GSAP: variants seen among roughly 807,000 people sequenced by gnomAD.
The protein encoded by GSAP is gamma-secretase-activating protein.
Under a neutral mutation model 131.7 loss-of-function variants are expected in GSAP, and 118 were observed. The ratio of observed to expected loss-of-function variants is 0.90; its 90% CI spans 0.77 to 1.04. GSAP has a LOEUF of 1.04. GSAP is among the 50% of genes least tolerant of loss of function. The pLI is 0.00. For synonymous variants in GSAP, 381 were observed against 363.4 expected (o/e 1.05, Z -0.55); for missense variants, 1,019 against 1,013.2 (o/e 1.01, Z -0.08).
chr7:77,414,921 G>A (rs1385701460), intron 1 of GSAP, among the ~76,000 whole-genome samples: 6 of 129,458 alleles, frequency 4.6e-5, no homozygotes, highest in African/African-American at 8.8e-5. Context: ...GCAGTGGCGA[G>A]ATCTCGGCTC....
intron 12 of GSAP, among the ~76,000 whole-genome samples, chr7:77,371,004 T>C (rs1188862914): frequency 6.6e-6 from 1 of 152,182 alleles, no homozygotes; most frequent in African/African-American, 2.4e-5. Flanking sequence ...TGTCCCCAGA[T>C]CTTATTCATA....
chr7:77,392,704 G>A (rs1454738586), intron 5 of GSAP, among the ~76,000 whole-genome samples: 1 of 152,214 alleles, frequency 6.6e-6, no homozygotes, highest in African/African-American at 2.4e-5. Flanking sequence ...ACCATGGTGT[G>A]ATCCAGGCAC....
intron 5 of GSAP, among the ~76,000 whole-genome samples, chr7:77,394,042 T>C (rs932712742): frequency 2.0e-5 from 3 of 152,212 alleles, no homozygotes; most frequent in Admixed American, 6.5e-5. Flanking sequence ...CTTGCTTCAC[T>C]TTACCAGTCC....
Position 77,416,229 on chromosome 7 carries a change from G to A in GSAP, c.93C>T (p.Ala31=). Residue 31 remains alanine (A), a synonymous_variant, in exon 1 of 31, where the codon GCC becomes GCT. Transcript: ENST00000257626. ...CTCCCGCACCTGCGCCGCCGCTTCC[G>A]GCCCCGCTGGCCTCCGACACTGCCC... ...AQRAVSEASG[A]GSGGADVLEN... 2 of 1,349,916 alleles carry A rather than the reference G, an allele frequency of 1.5e-6. No homozygotes were observed. Among genetic ancestry groups the A allele is most frequent in the Non-Finnish European group, 1.9e-6 (2 of 1,031,832 alleles). The allele number at this position is 1,349,916 out of a possible 1,614,324, so 83.6% of individuals were successfully genotyped here. A position where few individuals can be genotyped will look rare whatever the true frequency, so the allele number is the denominator to read the frequency against.
intron 22 of GSAP, 25 bp downstream of exon 22, chr7:77,328,581 G>T: frequency 6.2e-7 from 1 of 1,603,350 alleles, no homozygotes; most frequent in South Asian, 1.1e-5. Flanking sequence ...GAACCCAGAA[G>T]GCTTTATTAC....
Position 77,376,848 on chromosome 7 carries a change from C to T in GSAP, c.741G>A (p.Met247Ile). Residue 247 changes from methionine to isoleucine, a missense_variant and splice_region_variant, in exon 10 of 31, where the codon ATG becomes ATA. By Grantham distance (10) the Met-to-Ile change is conservative. Coordinates refer to ENST00000257626, the MANE Select transcript of GSAP (RefSeq NM_017439.4). ...QFYADESYNL[M>I]FEVPLDISLS... ...TAGTGTGATCATTTTCTGGACTTACCATTAAGTTATAGCTCTCATCAGCAT... is the reference window on the plus strand; with the variant it reads ...TAGTGTGATCATTTTCTGGACTTACTATTAAGTTATAGCTCTCATCAGCAT... 1 of 1,394,426 alleles carries T rather than the reference C, an allele frequency of 7.2e-7. No individual in the cohort carries two copies. Among genetic ancestry groups the T allele is most frequent in the Non-Finnish European group, 1.0e-6 (1 of 1,004,880 alleles). 86.4% of individuals were successfully genotyped at this position (1,394,426 alleles called of 1,614,324 possible). A position where few individuals can be genotyped will look rare whatever the true frequency, so the allele number is the denominator to read the frequency against.
Position 77,416,193 on chromosome 7 carries a change from C to G in GSAP, c.109+20G>C. 1 of 1,269,676 alleles carries G rather than the reference C, an allele frequency of 7.9e-7. No homozygotes were observed. The highest frequency in any genetic ancestry group is 1.1e-6 in the Non-Finnish European group (1 of 949,808). The allele number at this position is 1,269,676 out of a possible 1,614,324, so 78.7% of individuals were successfully genotyped here. On this transcript the variant is annotated intron_variant, in intron 1 of 30. Coordinates refer to ENST00000257626, the MANE Select transcript of GSAP (RefSeq NM_017439.4). ...TCCCACTCCCCGCCCCCACCCCTCT[C>G]CGCAGCGCGCCTCCCGCACCTGCGC...
intron 18 of GSAP, among the ~76,000 whole-genome samples, chr7:77,352,614 C>T (rs1437583256): frequency 6.6e-6 from 1 of 152,170 alleles, no homozygotes; most frequent in Non-Finnish European, 1.5e-5. Flanking sequence ...CCATTCCTCA[C>T]TTATAAAAAC....
chr7:77,379,664 GATTT>G (rs898260965), intron 8 of GSAP, among the ~76,000 whole-genome samples: 1 of 152,096 alleles, frequency 6.6e-6, no homozygotes, highest in African/African-American at 2.4e-5. Flanking sequence ...CCAACTTGCT[GATTT>G]ATTTCTCTCC....
chr7:77,311,530 A>G (rs551226310), intron 30 of GSAP, 81 bp from the exon 31 acceptor site: 376 of 701,448 alleles, frequency 5.4e-4, no homozygotes, highest in Non-Finnish European at 5.6e-4. Flanking sequence ...CTCACAGCTC[A>G]TTAAAATCAT....
rs773471202 is a variant in GSAP, at chr7:77,328,653, C to A, written c.1734-16G>T. On this transcript the variant is annotated splice_polypyrimidine_tract_variant and intron_variant, in intron 21 of 30. Coordinates refer to ENST00000257626, the MANE Select transcript of GSAP (RefSeq NM_017439.4). ...AGAAATCACCCTACGAAGAAATTAG[C>A]CATGTTATTCACAGACAGCATTGCT... 2 of 1,469,454 alleles carry A rather than the reference C, an allele frequency of 1.4e-6. No individual in the cohort carries two copies. The highest frequency in any genetic ancestry group is 1.9e-6 in the Non-Finnish European group (2 of 1,050,850). The allele number at this position is 1,469,454 out of a possible 1,614,324, so 91.0% of individuals were successfully genotyped here.
At chr7:77,392,187 A>G (rs1369007113) in intron 5 of GSAP, among the ~76,000 whole-genome samples, 1 of 151,180 alleles carries the variant, frequency 6.6e-6, no homozygotes, top group Non-Finnish European at 1.5e-5. Context: ...ACACCATTGC[A>G]CTCCAGCCTG....
At chr7:77,344,254 C>A (rs889713464) in intron 19 of GSAP, among the ~76,000 whole-genome samples, 2 of 152,132 alleles carry the variant, frequency 1.3e-5, no homozygotes, top group African/African-American at 2.4e-5. Context: ...TTCAGTGGAA[C>A]CTTCAGGCCC....
At position 77,385,158 on chromosome 7, in the gene GSAP, C is replaced by T. The variant is rs911775211; in HGVS notation, c.456+2202G>A. On this transcript the variant is annotated intron_variant, in intron 6 of 30. Coordinates refer to ENST00000257626, the MANE Select transcript of GSAP (RefSeq NM_017439.4). Reference sequence around the variant, plus strand: ...AAGCAATTCTCCCACCTCAGCCACCCGAGTAGATGGGATTACAGTAGCATA... The same window carrying T: ...AAGCAATTCTCCCACCTCAGCCACCTGAGTAGATGGGATTACAGTAGCATA... Among the ~76,000 whole-genome samples, 6 of 152,074 alleles carry T rather than the reference C, an allele frequency of 3.9e-5. No homozygotes were observed. The East Asian group carries it at 9.7e-4, about 25-fold the overall frequency.
In GSAP at chr7:77,387,186, A is replaced by C. The variant is rs575515510; in HGVS notation, c.456+174T>G. Among the ~76,000 whole-genome samples, 417 of 152,320 alleles carry C rather than the reference A, an allele frequency of 2.7e-3. 3 individuals are homozygous for C. The highest frequency in any genetic ancestry group is 4.8e-3 in the Non-Finnish European group (328 of 68,020). ...AACAGAGTTGGTGGAGCTAGCTTCG[A>C]GTTCTTAATTTCCATGCTTGCAAAC... On this transcript the variant is annotated intron_variant, in intron 6 of 30. Transcript: ENST00000257626.
chr7:77,386,028 G>A (rs1378655965), intron 6 of GSAP, among the ~76,000 whole-genome samples: 1 of 151,048 alleles, frequency 6.6e-6, no homozygotes, highest in African/African-American at 2.5e-5. Flanking sequence ...CACAAATGTC[G>A]TATACTGAAT....
chr7:77,313,695 T>C (rs1024758322), intron 27 of GSAP, 146 bp from the exon 28 acceptor site: 1 of 496,576 alleles, frequency 2.0e-6, no homozygotes, highest in Non-Finnish European at 3.5e-6. Flanking sequence ...TTTGGAAATT[T>C]TACTCTGACT....
chr7:77,319,159 A>C (rs892825881), intron 26 of GSAP, among the ~76,000 whole-genome samples: 1 of 152,216 alleles, frequency 6.6e-6, no homozygotes, highest in Non-Finnish European at 1.5e-5. Flanking sequence ...TATATCTAAC[A>C]AAGAGTTAAT....
intron 2 of GSAP, among the ~76,000 whole-genome samples, 157 bp from the exon 3 acceptor site, chr7:77,404,772 T>G (rs545997564): frequency 6.6e-6 from 1 of 152,214 alleles, no homozygotes; most frequent in Non-Finnish European, 1.5e-5. Context: ...CCAGTTCAGC[T>G]AGTCATTTGG....
Sources: gnomAD v4.1 joint callset for allele counts (sites outside exome capture counted in the v4.1 genomes callset) on GRCh38, gnomAD v4.1.1 for gene constraint, MANE v1.5 for transcripts, NCBI Gene and HGNC (gene_info 2026-07-23, HGNC 2026-07-21) for gene names.